Variants in TTLL7 observed in about 807,000 individuals in gnomAD.
TTLL7 encodes tubulin tyrosine ligase like 7, also known as tubulin polyglutamylase TTLL7.
TTLL7 carries 53 observed loss-of-function variants against 120.2 expected under a neutral mutation model. The ratio of observed to expected loss-of-function variants is 0.44; its 90% CI spans 0.35 to 0.55. The LOEUF (loss-of-function observed/expected upper bound fraction) is 0.55, where lower values mean the gene tolerates loss of function less well. Among genes scored for constraint, TTLL7 ranks in the 20% least tolerant of loss-of-function variants. The pLI is 0.00. For synonymous variants in TTLL7, 353 were observed against 351.7 expected, an observed-to-expected ratio of 1.00 and a Z score of -0.04; for missense variants, 803 against 1,054.7, an observed-to-expected ratio of 0.76 and a Z score of 3.31.
chr1:83,968,194 T>C (rs978061684), intron 1 of TTLL7, among the ~76,000 whole-genome samples: 2 of 151,990 alleles, frequency 1.3e-5, no homozygotes, highest in African/African-American at 4.8e-5. Context: ...TAATAGTGGA[T>C]GGCCAATATC....
At chr1:83,948,271 CT>C (rs1480014886) in intron 5 of TTLL7, among the ~76,000 whole-genome samples, 6 of 151,934 alleles carry the variant, frequency 3.9e-5, no homozygotes, top group Admixed American at 1.3e-4. Flanking sequence ...AAACAAGTAT[CT>C]CTTAAATGAC....
At chr1:83,974,521 G>C (rs1231369791) in intron 1 of TTLL7, among the ~76,000 whole-genome samples, 1 of 151,842 alleles carries the variant, frequency 6.6e-6, no homozygotes, top group Non-Finnish European at 1.5e-5. Context: ...ACTACTAAAT[G>C]TATCTACTTA....
intron 14 of TTLL7, 146 bp from the exon 15 acceptor site, chr1:83,911,509 G>T: frequency 1.5e-6 from 1 of 664,606 alleles, no homozygotes; most frequent in Non-Finnish European, 2.5e-6. Flanking sequence ...CTGCCATGCT[G>T]CTTAGCCTAC....
At chr1:83,892,370 G>A (rs1164904757) in intron 18 of TTLL7, among the ~76,000 whole-genome samples, 1 of 114,232 alleles carries the variant, frequency 8.8e-6, no homozygotes, top group East Asian at 2.3e-4. Flanking sequence ...ATATATATAC[G>A]AATATATATG....
In TTLL7 at chr1:83,921,106, G is replaced by A. The variant is rs777752443; in HGVS notation, c.1345C>T (p.Arg449Ter). The change falls in exon 12 of 21, where the codon CGA becomes TGA. Residue 449 changes from arginine (R) to a stop codon, truncating the protein, a stop_gained. Transcript: ENST00000260505. LOFTEE classifies it high-confidence loss of function. ...KQISREEHEN[R>*]HMGNYRRIYP... Reference sequence around the variant, plus strand: ...AGTTACCTATAATTCCCCATATGTCGATTTTCATGTTCTTCTCGTGAGATC... The same window carrying A: ...AGTTACCTATAATTCCCCATATGTCAATTTTCATGTTCTTCTCGTGAGATC... 2 of 1,612,626 alleles carry A rather than the reference G, an allele frequency of 1.2e-6. No homozygotes were observed. Among genetic ancestry groups the A allele is most frequent in the Non-Finnish European group, 1.7e-6 (2 of 1,179,468 alleles).
intron 14 of TTLL7, among the ~76,000 whole-genome samples, chr1:83,913,460 C>T (rs72936274): frequency 0.01 from 1,590 of 152,278 alleles, 32 homozygotes; most frequent in African/African-American, 0.036. Context: ...TCTCCTACTA[C>T]AAGTACCAGT....
intron 17 of TTLL7, 51 bp from the exon 18 acceptor site, chr1:83,904,210 T>A (rs1656992333): frequency 7.1e-7 from 1 of 1,408,446 alleles, no homozygotes; most frequent in African/African-American, 1.4e-5. Flanking sequence ...ACCCATTTTT[T>A]AAATTAATTT....
intron 7 of TTLL7, 119 bp from the exon 8 acceptor site, chr1:83,938,135 G>A: frequency 1.2e-6 from 1 of 805,134 alleles, no homozygotes; most frequent in Non-Finnish European, 2.0e-6. Flanking sequence ...CTACATAGAT[G>A]AACAATCTCA....
intron 1 of TTLL7, among the ~76,000 whole-genome samples, chr1:83,983,474 T>A (rs1652162998): frequency 6.6e-6 from 1 of 152,082 alleles, no homozygotes; most frequent in Non-Finnish European, 1.5e-5. Context: ...TCAAGATGGA[T>A]TAAAGATTTA....
rs115061952 is a variant in TTLL7 at position 83,896,018 on chromosome 1, C to T, written c.2209-5537G>A. ...TACTCACTTAATAATTTTAAGAAAG[C>T]ACAGACCAGGCAGGCAAGAAATCAG... is the stretch of plus-strand genomic sequence containing the variant. On this transcript the variant is annotated intron_variant, in intron 18 of 20. Transcript: ENST00000260505. 5.2e-3 allele frequency among the ~76,000 whole-genome samples: 785 copies of T among 152,142 alleles called. 4 individuals are homozygous for T. Among genetic ancestry groups the T allele is most frequent in the African/African-American group, 0.018 (749 of 41,530 alleles).
intron 18 of TTLL7, among the ~76,000 whole-genome samples, chr1:83,895,748 C>G (rs981326757): frequency 6.6e-6 from 1 of 152,116 alleles, no homozygotes; most frequent in African/African-American, 2.4e-5. Flanking sequence ...ACGCTCTTAA[C>G]TACATCCAGC....
At chr1:83,929,808 C>T (rs1659444399) in intron 9 of TTLL7, among the ~76,000 whole-genome samples, 1 of 152,202 alleles carries the variant, frequency 6.6e-6, no homozygotes, top group East Asian at 1.9e-4. Flanking sequence ...ACTGGAATAG[C>T]TGATGTTTAA....
intron 1 of TTLL7, among the ~76,000 whole-genome samples, chr1:83,987,755 C>T (rs1445331174): frequency 6.6e-6 from 1 of 151,828 alleles, no homozygotes; most frequent in Non-Finnish European, 1.5e-5. Context: ...AGTGAAAAGG[C>T]AATGTACAAA....
At chr1:83,998,155 T>C (rs756042925) in intron 1 of TTLL7, among the ~76,000 whole-genome samples, 5 of 152,152 alleles carry the variant, frequency 3.3e-5, no homozygotes, top group African/African-American at 1.2e-4. Flanking sequence ...GGAAAACCTA[T>C]ATTCGAATTC....
intron 18 of TTLL7, among the ~76,000 whole-genome samples, chr1:83,892,685 T>C (rs185346664): frequency 8.3e-6 from 1 of 120,774 alleles, no homozygotes; most frequent in East Asian, 2.3e-4. Context: ...CATATGAACA[T>C]ATATATGAAC....
intron 18 of TTLL7, chr1:83,902,246 A>T (rs987341679): frequency 6.6e-6 from 1 of 151,966 alleles, no homozygotes; most frequent in African/African-American, 2.4e-5. Flanking sequence ...TTCATCTTAA[A>T]AAAAAACAAA....
chr1:83,884,034 G>A (rs1654747356), intron 19 of TTLL7, among the ~76,000 whole-genome samples: 1 of 151,638 alleles, frequency 6.6e-6, no homozygotes, highest in South Asian at 2.1e-4. Context: ...TGTGTGGGGG[G>A]TGTGTGTGTA....
chr1:83,882,094 G>T lies in TTLL7; in HGVS notation c.2543+869C>A, dbSNP rs1461024223. ...CACACTCTGGGAACTGTTGTGGGGT[G>T]GGGGGAGGGGGGAGGGATAGCATTA... On this transcript the variant is annotated intron_variant, in intron 20 of 20. Transcript: ENST00000260505. Among the ~76,000 whole-genome samples the T allele has an allele frequency of 4.4e-4, 48 of 109,428 alleles. No individual in the cohort carries two copies. In the South Asian group the frequency reaches 0.016, roughly 37 times the overall value. 71.8% of individuals were successfully genotyped at this position (109,428 alleles called of 152,430 possible). A position where few individuals can be genotyped will look rare whatever the true frequency, so the allele number is the denominator to read the frequency against.
At chr1:83,927,947 G>A (rs1028127899) in intron 10 of TTLL7, among the ~76,000 whole-genome samples, 2 of 152,110 alleles carry the variant, frequency 1.3e-5, no homozygotes, top group Admixed American at 6.6e-5. Flanking sequence ...ATTAGCATAT[G>A]CTCTAAATGT....
Sources: gnomAD v4.1 joint callset for allele counts (sites outside exome capture counted in the v4.1 genomes callset) on GRCh38, gnomAD v4.1.1 for gene constraint, MANE v1.5 for transcripts, NCBI Gene and HGNC (gene_info 2026-07-23, HGNC 2026-07-21) for gene names.